CAMSAP3: variants seen among roughly 807,000 people sequenced by gnomAD.
CAMSAP3 encodes calmodulin-regulated spectrin-associated protein 3.
CAMSAP3 carries 34 observed loss-of-function variants against 112.5 expected under a neutral mutation model. The observed-to-expected ratio is 0.30, with a 90% CI of 0.23 to 0.40. The LOEUF (loss-of-function observed/expected upper bound fraction) is 0.40, where lower values mean the gene tolerates loss of function less well. Ranked by LOEUF, CAMSAP3 falls within the 10% of genes least tolerant of loss-of-function variation. CAMSAP3 has a pLI of 1.00. For missense variants in CAMSAP3, 1,602 were observed against 1,770.3 expected (o/e 0.90, Z 1.71); for synonymous variants, 868 against 799.8 (o/e 1.09, Z -1.44).
Position 7,615,358 on chromosome 19 carries a change from G to A in CAMSAP3, c.2810+36G>A. The A allele has an allele frequency of 6.5e-7, 1 of 1,533,836 alleles. No individual in the cohort carries two copies. Among genetic ancestry groups the A allele is most frequent in the Non-Finnish European group, 8.8e-7 (1 of 1,136,862 alleles). On this transcript the variant is annotated intron_variant, in intron 12 of 16. Transcript: ENST00000160298. This position sits in a 1 kb window ranked among gnomAD's most constrained non-coding sequence, Gnocchi z 6.5. The stretch of plus-strand genomic sequence containing the variant: ...GCCTGCCCGGGACGCCCGCTCCTTG[G>A]CCTGTCTGCCACCGCGGACCCCGTG...
Position 7,612,335 on chromosome 19 carries a change from C to A in CAMSAP3, c.1842C>A (p.Ile614=). The A allele has an allele frequency of 6.2e-7, 1 of 1,604,164 alleles. No individual in the cohort carries two copies. Among genetic ancestry groups the A allele is most frequent in the Non-Finnish European group, 8.5e-7 (1 of 1,177,736 alleles). The part of the protein sequence containing the change: ...SARLEEKRRA[I]EAQKRRIEAI... ...GGCTGGAGGAGAAACGCAGAGCCATCGAGGCTCAGAAGCGACGGATTGAGG... is the reference window on the plus strand; with the variant it reads ...GGCTGGAGGAGAAACGCAGAGCCATAGAGGCTCAGAAGCGACGGATTGAGG... Residue 614 remains isoleucine, a synonymous_variant, in exon 11 of 17, where the codon ATC becomes ATA. Coordinates refer to ENST00000160298, the MANE Select transcript of CAMSAP3 (RefSeq NM_020902.2).
chr19:7,596,573 C>G (rs2024448182), intron 1 of CAMSAP3, among the ~76,000 whole-genome samples: 1 of 152,144 alleles, frequency 6.6e-6, no homozygotes. Context: ...CGGTCTCTTC[C>G]CCCGCCACAC....
chr19:7,597,665 G>A (rs1191369592), intron 1 of CAMSAP3, among the ~76,000 whole-genome samples: 1 of 152,206 alleles, frequency 6.6e-6, no homozygotes, highest in East Asian at 1.9e-4. Context: ...AGAATTCTTC[G>A]CGTGGCACGG....
At chr19:7,609,140 T>C (rs1189412814) in intron 5 of CAMSAP3, among the ~76,000 whole-genome samples, 2 of 150,798 alleles carry the variant, frequency 1.3e-5, no homozygotes, top group Non-Finnish European at 3.0e-5. Context: ...GCCAGGATGG[T>C]GAAACCGTCT....
In CAMSAP3 at chr19:7,617,616, C is replaced by T; in HGVS notation, c.3399C>T (p.Cys1133=). ...TCCACAATGCCCTATCACACTGCTG[C>T]CTGGCGGGCAAGGTGAACGAACCGC... ...FIIHNALSHC[C]LAGKVNEPQK... is the part of the protein sequence containing the mutation. The change falls in exon 16 of 17, where the codon TGC becomes TGT. Residue 1133 remains cysteine (C), a synonymous_variant. Transcript: ENST00000160298. The surrounding 1 kb of genome is among the most constrained non-coding windows in gnomAD (Gnocchi z 7.5). 1 of 1,614,218 alleles carries T rather than the reference C, an allele frequency of 6.2e-7. No homozygotes were observed. The highest frequency in any genetic ancestry group is 8.5e-7 in the Non-Finnish European group (1 of 1,180,040).
At chr19:7,604,375 G>A (rs1351703344) in intron 1 of CAMSAP3, among the ~76,000 whole-genome samples, 1 of 151,968 alleles carries the variant, frequency 6.6e-6, no homozygotes, top group African/African-American at 2.4e-5. Flanking sequence ...ATCTCTCTAA[G>A]CCCCAGCCTT....
Position 7,617,384 on chromosome 19 carries a change from G to C in CAMSAP3, c.3271G>C (p.Asp1091His). 6.2e-7 allele frequency: 1 copy of C among 1,614,102 alleles called. No homozygotes were observed. Among genetic ancestry groups the C allele is most frequent in the Non-Finnish European group, 8.5e-7 (1 of 1,180,008 alleles). Residue 1091 changes from aspartate (D) to histidine (H), a missense_variant, in exon 15 of 17, where the codon GAC becomes CAC. Physicochemically the swap from Asp to His is moderately conservative, Grantham distance 81. Coordinates refer to ENST00000160298, the MANE Select transcript of CAMSAP3 (RefSeq NM_020902.2). This position sits in a 1 kb window ranked among gnomAD's most constrained non-coding sequence, Gnocchi z 7.5. Reference sequence around the variant, plus strand: ...CCGCCTGCCTGGAAGCCGCGAACGGGACTGGGAAAATGGCAGCAATGCCTC... The same window carrying C: ...CCGCCTGCCTGGAAGCCGCGAACGGCACTGGGAAAATGGCAGCAATGCCTC... ...PSRLPGSRER[D>H]WENGSNASSP...
rs549080696 is a variant in CAMSAP3, at chr19:7,611,027, G to T, written c.1050-68G>T. The T allele has an allele frequency of 6.3e-7, 1 of 1,593,624 alleles. No homozygotes were observed. The highest frequency in any genetic ancestry group is 1.1e-5 in the South Asian group (1 of 90,168). Reference sequence around the variant, plus strand: ...TGGGACGCAGCTGGGTGATGCTGTTGTCTCCCCCCGGGGAGAGGCGGAGGA... The same window carrying T: ...TGGGACGCAGCTGGGTGATGCTGTTTTCTCCCCCCGGGGAGAGGCGGAGGA... On this transcript the variant is annotated intron_variant, in intron 8 of 16. Coordinates refer to ENST00000160298, the MANE Select transcript of CAMSAP3 (RefSeq NM_020902.2). The surrounding 1 kb of genome is among the most constrained non-coding windows in gnomAD (Gnocchi z 6.9).
In CAMSAP3 at chr19:7,617,271, C is replaced by T. The variant is rs2030855869; in HGVS notation, c.3213-55C>T. On this transcript the variant is annotated intron_variant, in intron 14 of 16. Transcript: ENST00000160298. The surrounding 1 kb of genome is among the most constrained non-coding windows in gnomAD (Gnocchi z 7.5). ...ACATAGGGAAGCTTCCCATCTCTGA[C>T]CCCACCTCCATCCCATCCTGACCCC... The T allele has an allele frequency of 1.6e-6, 2 of 1,265,790 alleles. No homozygotes were observed. The highest frequency in any genetic ancestry group is 2.3e-6 in the Non-Finnish European group (2 of 863,958). The allele number at this position is 1,265,790 out of a possible 1,614,324, so 78.4% of individuals were successfully genotyped here.
chr19:7,608,666 G>A (rs1021721866), intron 5 of CAMSAP3, among the ~76,000 whole-genome samples: 4 of 132,380 alleles, frequency 3.0e-5, no homozygotes, highest in African/African-American at 5.7e-5. Context: ...CGGGAGTCTT[G>A]CTCTGTTGCC....
chr19:7,613,539 G>T (rs1048562862), intron 11 of CAMSAP3, among the ~76,000 whole-genome samples: 1 of 151,292 alleles, frequency 6.6e-6, no homozygotes, highest in Admixed American at 6.6e-5. Flanking sequence ...TATGTTTGGG[G>T]GTGAGGGGTT....
Position 7,615,471 on chromosome 19 carries a change from T to C in CAMSAP3, c.2864T>C (p.Met955Thr). ...GPAPLVSAVP[M>T]ATPAPAARAP... ...GCCCCGCTTGTGTCCGCAGTCCCGA[T>C]GGCGACTCCAGCCCCTGCTGCCCGG... Residue 955 changes from methionine (M) to threonine (T), a missense_variant, in exon 13 of 17, where the codon ATG becomes ACG. Physicochemically the swap from Met to Thr is moderately conservative, Grantham distance 81. Coordinates refer to ENST00000160298, the MANE Select transcript of CAMSAP3 (RefSeq NM_020902.2). This position sits in a 1 kb window ranked among gnomAD's most constrained non-coding sequence, Gnocchi z 6.5. 1.9e-6 allele frequency: 3 copies of C among 1,541,014 alleles called. No individual in the cohort carries two copies. The highest frequency in any genetic ancestry group is 2.6e-6 in the Non-Finnish European group (3 of 1,146,038).
chr19:7,613,028 G>T lies in CAMSAP3; in HGVS notation c.2535G>T (p.Glu845Asp). The change falls in exon 11 of 17, where the codon GAG becomes GAT. Residue 845 changes from glutamate (E) to aspartate (D), a missense_variant. Physicochemically the swap from Glu to Asp is conservative, Grantham distance 45. This residue lies in a region of CAMSAP3 where 1,100 missense variants were observed against 1,135.7 expected (regional missense o/e 0.97). Coordinates refer to ENST00000160298, the MANE Select transcript of CAMSAP3 (RefSeq NM_020902.2). The stretch of plus-strand genomic sequence containing the variant: ...CAGCCGCCCGGCCGGGCCTCATCGA[G>T]ATCCCGCTGGGCAGCCTGGCAGATC... ...EEPAARPGLI[E>D]IPLGSLADPA... 1 of 1,555,694 alleles carries T rather than the reference G, an allele frequency of 6.4e-7. No individual in the cohort carries two copies. The highest frequency in any genetic ancestry group is 8.7e-7 in the Non-Finnish European group (1 of 1,151,372).
chr19:7,611,669 C>A lies in CAMSAP3; in HGVS notation c.1194-18C>A. 6.4e-7 allele frequency: 1 copy of A among 1,567,930 alleles called. No individual in the cohort carries two copies. The highest frequency in any genetic ancestry group is 8.7e-7 in the Non-Finnish European group (1 of 1,153,750). On this transcript the variant is annotated intron_variant, in intron 10 of 16. Coordinates refer to ENST00000160298, the MANE Select transcript of CAMSAP3 (RefSeq NM_020902.2). This position sits in a 1 kb window ranked among gnomAD's most constrained non-coding sequence, Gnocchi z 6.9. ...CGAGGCTGGTCCCAGGGGCTGACCCCTCCCTCCGGCCGCCCAGCCGTCCCC... is the reference window on the plus strand; with the variant it reads ...CGAGGCTGGTCCCAGGGGCTGACCCATCCCTCCGGCCGCCCAGCCGTCCCC...
chr19:7,602,300 A>G (rs1416970597), intron 1 of CAMSAP3, among the ~76,000 whole-genome samples: 1 of 152,224 alleles, frequency 6.6e-6, no homozygotes, highest in African/African-American at 2.4e-5. Context: ...TCCAGCCCCA[A>G]GTACCAATGA....
At position 7,612,055 on chromosome 19, in the gene CAMSAP3, C is replaced by G. The variant is rs768003137; in HGVS notation, c.1562C>G (p.Pro521Arg). 13 of 1,611,720 alleles carry G rather than the reference C, an allele frequency of 8.1e-6. No individual in the cohort carries two copies. In the Admixed American group the frequency reaches 2.0e-4, roughly 25 times the overall value. Residue 521 changes from proline (P) to arginine (R), a missense_variant, in exon 11 of 17, where the codon CCA becomes CGA. Coordinates refer to ENST00000160298, the MANE Select transcript of CAMSAP3 (RefSeq NM_020902.2). ...DRPTKAPVYM[P>R]HPETPSKPSP... ...CCCACCAAAGCACCAGTGTACATGC[C>G]ACACCCCGAGACCCCCTCGAAACCA...
intron 4 of CAMSAP3, chr19:7,606,858 C>T (rs1402914527): frequency 2.5e-6 from 4 of 1,595,244 alleles, no homozygotes; most frequent in Non-Finnish European, 2.6e-6. Context: ...GCTTGTAGCT[C>T]TGTCTGTCTG....
intron 1 of CAMSAP3, 79 bp from the exon 2 acceptor site, chr19:7,605,146 TG>T (rs2030138068): frequency 2.5e-6 from 1 of 397,110 alleles, no homozygotes; most frequent in South Asian, 4.3e-5. Flanking sequence ...CCGGGCCATG[TG>T]GTGTGTGTGT....
intron 1 of CAMSAP3, among the ~76,000 whole-genome samples, 197 bp from the exon 2 acceptor site, chr19:7,605,029 C>T (rs936142618): frequency 6.6e-6 from 1 of 152,086 alleles, no homozygotes; most frequent in Non-Finnish European, 1.5e-5. Context: ...CTGCCTACAA[C>T]GCCATCACCC....
Sources: gnomAD v4.1 joint callset for allele counts (sites outside exome capture counted in the v4.1 genomes callset) on GRCh38, gnomAD v4.1.1 for gene constraint, gnomAD v4.1.1 regional missense constraint, Gnocchi (gnomAD v3.1) non-coding constraint, MANE v1.5 for transcripts, NCBI Gene and HGNC (gene_info 2026-07-23, HGNC 2026-07-21) for gene names.